KLF12: variants seen among roughly 807,000 people sequenced by gnomAD.
KLF12 encodes KLF transcription factor 12.
A neutral mutation model predicts 37.8 loss-of-function variants in KLF12; 9 were observed. The observed-to-expected ratio is 0.24, with a 90% CI of 0.14 to 0.42. The LOEUF is 0.42. Ranked by LOEUF, KLF12 falls within the 10% of genes least tolerant of loss-of-function variation. KLF12 has a pLI of 1.00. For synonymous variants in KLF12, 208 were observed against 202.1 expected, an observed-to-expected ratio of 1.03 and a Z score of -0.25; for missense variants, 411 against 516.0, an observed-to-expected ratio of 0.80 and a Z score of 1.97.
At chr13:73,968,370 T>C (rs1299474314) in intron 2 of KLF12, among the ~76,000 whole-genome samples, 1 of 152,234 alleles carries the variant, frequency 6.6e-6, no homozygotes, top group African/African-American at 2.4e-5. Flanking sequence ...TAATTTGTAG[T>C]CACTGGTGGG....
At chr13:73,806,319 G>T (rs1447887263) in intron 5 of KLF12, among the ~76,000 whole-genome samples, 1 of 151,492 alleles carries the variant, frequency 6.6e-6, no homozygotes, top group Non-Finnish European at 1.5e-5. Flanking sequence ...GGCCAGGCTG[G>T]TTTCAAACTC....
chr13:74,064,199 C>T (rs1873772679), intron 1 of KLF12, among the ~76,000 whole-genome samples: 1 of 152,070 alleles, frequency 6.6e-6, no homozygotes, highest in Non-Finnish European at 1.5e-5. Context: ...GATGGAAAAC[C>T]ACCCCTCTCC....
At chr13:73,792,541 T>A (rs756769807) in intron 5 of KLF12, among the ~76,000 whole-genome samples, 6 of 152,136 alleles carry the variant, frequency 3.9e-5, no homozygotes, top group Non-Finnish European at 8.8e-5. Context: ...TAATCTAGAT[T>A]ATCACAGGGT....
In KLF12 at chr13:74,086,478, C is replaced by T. The variant is rs573194859; in HGVS notation, c.-32+47261G>A. On this transcript the variant is annotated intron_variant, in intron 1 of 7. Transcript: ENST00000377669. ...ATTTTTATGGCTGCATAGTATTCCA[C>T]GGTGTATATGTGCCACATTTTCTTA... Among the ~76,000 whole-genome samples, 19 of 152,072 alleles carry T rather than the reference C, an allele frequency of 1.2e-4. No individual in the cohort carries two copies. In the East Asian group the frequency reaches 2.5e-3, roughly 20 times the overall value.
intron 5 of KLF12, among the ~76,000 whole-genome samples, chr13:73,791,850 A>G (rs1458446637): frequency 1.3e-5 from 2 of 152,222 alleles, no homozygotes; most frequent in African/African-American, 4.8e-5. Flanking sequence ...AGAGAATACA[A>G]TCATCAAAAC....
the KLF12 span, among the ~76,000 whole-genome samples, chr13:74,209,187 G>A: frequency 1.1e-4 from 17 of 152,050 alleles, no homozygotes; most frequent in Admixed American, 1.1e-3. Context: ...GTATTCAATA[G>A]ATATTGGATT....
At chr13:74,089,858 T>C (rs1478413845) in intron 1 of KLF12, among the ~76,000 whole-genome samples, 3 of 145,320 alleles carry the variant, frequency 2.1e-5, no homozygotes, top group Admixed American at 7.0e-5. Context: ...AGGTGAAAGA[T>C]AGATGCTTTA....
intron 1 of KLF12, among the ~76,000 whole-genome samples, chr13:74,037,744 A>ATT (rs1461224563): frequency 6.6e-6 from 1 of 152,128 alleles, no homozygotes; most frequent in African/African-American, 2.4e-5. Context: ...CTTTAAGATA[A>ATT]TTTTTTTAAA....
the KLF12 span, among the ~76,000 whole-genome samples, chr13:74,216,678 A>G: frequency 6.6e-6 from 1 of 152,232 alleles, no homozygotes; most frequent in Non-Finnish European, 1.5e-5. Context: ...CAAACTGCTA[A>G]AAGCAAAAAG....
the KLF12 span, among the ~76,000 whole-genome samples, chr13:74,252,560 A>G: frequency 1.3e-5 from 2 of 152,338 alleles, no homozygotes; most frequent in African/African-American, 4.8e-5. Context: ...GGGGTTGGCC[A>G]CTAAAGATAA....
At chr13:74,220,852 T>G in the KLF12 span, among the ~76,000 whole-genome samples, 1 of 152,364 alleles carries the variant, frequency 6.6e-6, no homozygotes, top group Non-Finnish European at 1.5e-5. Context: ...GATTTTCTTC[T>G]TTTTAAACGC....
At chr13:73,850,773 G>T (rs9543474) in intron 3 of KLF12, among the ~76,000 whole-genome samples, 99,648 of 152,080 alleles carry the variant, frequency 0.66, 33,760 homozygotes, top group Non-Finnish European at 0.75. Flanking sequence ...TTCAGTCATC[G>T]GTCATTTAAA....
intron 1 of KLF12, among the ~76,000 whole-genome samples, chr13:74,022,975 G>A (rs1892882537): frequency 6.7e-6 from 1 of 150,244 alleles, no homozygotes; most frequent in South Asian, 2.1e-4. Context: ...CTCTGGTGTT[G>A]GGGCTCACGC....
chr13:73,994,976 T>A lies in KLF12; in HGVS notation c.33+14A>T. On this transcript the variant is annotated intron_variant, in intron 2 of 7. Coordinates refer to ENST00000377669, the MANE Select transcript of KLF12 (RefSeq NM_007249.5). ...CAATATTTTCAATGCAATTTTAACA[T>A]CTGACTAACCAACCTTTATTGTTTT... is the stretch of plus-strand genomic sequence containing the variant. 1 of 1,563,978 alleles carries A rather than the reference T, an allele frequency of 6.4e-7. No homozygotes were observed. The highest frequency in any genetic ancestry group is 8.8e-7 in the Non-Finnish European group (1 of 1,135,184).
chr13:74,242,794 A>G, the KLF12 span, among the ~76,000 whole-genome samples: 1 of 152,300 alleles, frequency 6.6e-6, no homozygotes, highest in East Asian at 1.9e-4. Context: ...CACAGTCTAA[A>G]GTGAGCTGAA....
At chr13:73,743,035 G>A (rs1594036747) in intron 6 of KLF12, among the ~76,000 whole-genome samples, 2 of 139,128 alleles carry the variant, frequency 1.4e-5, no homozygotes. Flanking sequence ...AAAAAAAAAA[G>A]GGAGCCTTTA....
intron 2 of KLF12, among the ~76,000 whole-genome samples, chr13:73,947,538 C>A (rs1235637600): frequency 6.7e-6 from 1 of 149,986 alleles, no homozygotes; most frequent in Non-Finnish European, 1.5e-5. Flanking sequence ...GTAGTATCAG[C>A]TACTGAGGAG....
At chr13:73,745,553 A>G (rs1309671136) in intron 6 of KLF12, among the ~76,000 whole-genome samples, 1 of 152,200 alleles carries the variant, frequency 6.6e-6, no homozygotes, top group Admixed American at 6.5e-5. Context: ...CTGAATTTAT[A>G]TTTTGTAAAA....
At chr13:74,304,293 C>T in the KLF12 span, among the ~76,000 whole-genome samples, 1 of 152,114 alleles carries the variant, frequency 6.6e-6, no homozygotes, top group South Asian at 2.1e-4. Context: ...TTTTTCTCTT[C>T]ATCAGTCACT....
Sources: allele counts gnomAD v4.1 joint callset (sites outside exome capture counted in the v4.1 genomes callset), GRCh38; gene constraint gnomAD v4.1.1; transcripts MANE v1.5; gene names NCBI Gene and HGNC (gene_info 2026-07-23, HGNC 2026-07-21).